LRP1B: variants seen among roughly 807,000 people sequenced by gnomAD.
The protein encoded by LRP1B is LDL receptor related protein 1B.
In LRP1B, 217 loss-of-function variants were observed where a neutral mutation model predicts 556.6. That is an observed-to-expected ratio of 0.39 (90% CI 0.35 to 0.44). LRP1B has a LOEUF of 0.44. Ranked by LOEUF, LRP1B falls within the 20% of genes least tolerant of loss-of-function variation. The probability of loss-of-function intolerance (pLI) is 1.00; values close to 1 mark genes in which losing one functional copy is unlikely to be tolerated. For synonymous variants in LRP1B, 2,047 were observed against 1,865.8 expected (o/e 1.10, Z -2.50); for missense variants, 5,053 against 5,620.8 (o/e 0.90, Z 3.23).
At chr2:141,232,443 T>C (rs929815604) in intron 5 of LRP1B, among the ~76,000 whole-genome samples, 1 of 152,174 alleles carries the variant, frequency 6.6e-6, no homozygotes, top group African/African-American at 2.4e-5. Context: ...TAGACAGCCA[T>C]TTTTTGGCTA....
intron 7 of LRP1B, among the ~76,000 whole-genome samples, chr2:141,161,978 T>C (rs1680053552): frequency 6.6e-6 from 1 of 152,058 alleles, no homozygotes; most frequent in Non-Finnish European, 1.5e-5. Flanking sequence ...CAACTTGGCT[T>C]AAAAATAGGA....
intron 21 of LRP1B, among the ~76,000 whole-genome samples, chr2:140,909,320 T>C (rs975523333): frequency 6.6e-6 from 1 of 152,140 alleles, no homozygotes; most frequent in Non-Finnish European, 1.5e-5. Context: ...TTACATTGTA[T>C]ATATCCAAAA....
At chr2:140,303,258 A>G (rs902865085) in intron 83 of LRP1B, among the ~76,000 whole-genome samples, 6 of 151,590 alleles carry the variant, frequency 4.0e-5, no homozygotes, top group Non-Finnish European at 7.4e-5. Context: ...TTATTTATTT[A>G]TTTATTTGAG....
chr2:141,468,976 A>G (rs976297746), intron 3 of LRP1B, among the ~76,000 whole-genome samples: 1 of 152,174 alleles, frequency 6.6e-6, no homozygotes, highest in Admixed American at 6.5e-5. Flanking sequence ...TTACAACCAC[A>G]GTGGGTTGTT....
At chr2:141,479,704 A>G (rs948249829) in intron 3 of LRP1B, among the ~76,000 whole-genome samples, 5 of 152,050 alleles carry the variant, frequency 3.3e-5, no homozygotes, top group African/African-American at 4.8e-5. Context: ...CCTTACCTGG[A>G]TCCTTGACTG....
intron 2 of LRP1B, among the ~76,000 whole-genome samples, chr2:141,504,011 G>A (rs945142699): frequency 1.3e-5 from 2 of 152,078 alleles, no homozygotes; most frequent in African/African-American, 2.4e-5. Context: ...CCTTGGAAAC[G>A]ATTTAGGCTA....
At chr2:140,967,809 T>C (rs1696279679) in intron 18 of LRP1B, among the ~76,000 whole-genome samples, 1 of 152,122 alleles carries the variant, frequency 6.6e-6, no homozygotes, top group African/African-American at 2.4e-5. Context: ...ATGTGTTTTT[T>C]TGTCTTTGGT....
At chr2:140,377,709 T>C (rs13028898) in intron 68 of LRP1B, among the ~76,000 whole-genome samples, 10,309 of 152,284 alleles carry the variant, frequency 0.068, 399 homozygotes, top group Middle Eastern at 0.14. Context: ...AAATGGATTG[T>C]GATTCATCAC....
chr2:140,535,957 T>A (rs928246559), intron 46 of LRP1B, among the ~76,000 whole-genome samples: 4 of 152,066 alleles, frequency 2.6e-5, no homozygotes, highest in African/African-American at 9.7e-5. Flanking sequence ...GAGACAGAAA[T>A]AGAATCGACA....
intron 1 of LRP1B, among the ~76,000 whole-genome samples, chr2:141,856,868 T>TTATA (rs1698068930): frequency 1.3e-5 from 2 of 152,004 alleles, no homozygotes; most frequent in Non-Finnish European, 2.9e-5. Flanking sequence ...TAAACTTGTA[T>TTATA]TATTTTTATT....
At chr2:141,448,455 T>G (rs576675430) in intron 3 of LRP1B, among the ~76,000 whole-genome samples, 48 of 152,146 alleles carry the variant, frequency 3.2e-4, no homozygotes, top group Non-Finnish European at 5.7e-4. Context: ...CAGACAGCAC[T>G]GGGATATGAA....
chr2:140,562,423 T>C (rs1345432909), intron 43 of LRP1B, among the ~76,000 whole-genome samples: 1 of 152,140 alleles, frequency 6.6e-6, no homozygotes, highest in African/African-American at 2.4e-5. Context: ...ACAGATACAA[T>C]GTCTTACTGT....
intron 41 of LRP1B, among the ~76,000 whole-genome samples, chr2:140,668,236 G>A (rs539306215): frequency 1.4e-5 from 2 of 146,064 alleles, no homozygotes; most frequent in African/African-American, 5.1e-5. Flanking sequence ...CGTGAACCCG[G>A]GAGGCGGTGC....
intron 55 of LRP1B, among the ~76,000 whole-genome samples, chr2:140,499,547 T>C (rs1439456035): frequency 6.6e-6 from 1 of 151,890 alleles, no homozygotes; most frequent in African/African-American, 2.4e-5. Flanking sequence ...ATAGAGCGTA[T>C]TTAAACAAAC....
chr2:141,926,330 CG>C (rs1305100774), intron 1 of LRP1B, among the ~76,000 whole-genome samples: 1 of 152,108 alleles, frequency 6.6e-6, no homozygotes, highest in Non-Finnish European at 1.5e-5. Flanking sequence ...TTGTGACTTA[CG>C]GAGTAAATGT....
At chr2:141,009,214 G>C in intron 14 of LRP1B, among the ~76,000 whole-genome samples, 1 of 150,364 alleles carries the variant, frequency 6.7e-6, no homozygotes, top group Non-Finnish European at 1.5e-5. Context: ...AACTAACATA[G>C]AGATACTCGA....
At chr2:142,003,234 T>C (rs1702708312) in intron 1 of LRP1B, among the ~76,000 whole-genome samples, 1 of 152,216 alleles carries the variant, frequency 6.6e-6, no homozygotes, top group Non-Finnish European at 1.5e-5. Flanking sequence ...TGCAAAGTGT[T>C]AGCATATAAT....
chr2:141,735,723 A>G (rs1285245866), intron 2 of LRP1B, among the ~76,000 whole-genome samples: 1 of 152,114 alleles, frequency 6.6e-6, no homozygotes, highest in Non-Finnish European at 1.5e-5. Flanking sequence ...GGGTGGGTAC[A>G]TGTGGATATT....
At chr2:141,510,911 C>CCA (rs1553524355) in intron 2 of LRP1B, among the ~76,000 whole-genome samples, 2,105 of 144,158 alleles carry the variant, frequency 0.015, 23 homozygotes, top group Middle Eastern at 0.022. Flanking sequence ...CACACACACC[C>CCA]CACACAAACA....
Sources: allele counts gnomAD v4.1 joint callset (sites outside exome capture counted in the v4.1 genomes callset), GRCh38; gene constraint gnomAD v4.1.1; transcripts MANE v1.5; gene names NCBI Gene and HGNC (gene_info 2026-07-23, HGNC 2026-07-21).